POFUT3: variants seen among roughly 807,000 people sequenced by gnomAD.
The protein encoded by POFUT3 is GDP-fucose protein O-fucosyltransferase 3.
chr8:33,334,545 T>C, the POFUT3 span, among the ~76,000 whole-genome samples: 2 of 152,170 alleles, frequency 1.3e-5, no homozygotes, highest in African/African-American at 4.8e-5. Context: ...AGTAGTACAC[T>C]GGTCCGGGAC....
At chr8:33,340,681 A>G in the POFUT3 span, among the ~76,000 whole-genome samples, 1 of 152,140 alleles carries the variant, frequency 6.6e-6, no homozygotes, top group African/African-American at 2.4e-5. Context: ...CAAAAATAGT[A>G]CCAGAAACAG....
At chr8:33,310,215 C>A in the POFUT3 span, among the ~76,000 whole-genome samples, 2 of 152,116 alleles carry the variant, frequency 1.3e-5, no homozygotes, top group Admixed American at 1.3e-4. Flanking sequence ...CCACTCACAG[C>A]TGCTGAGATT....
At chr8:33,331,770 G>A in the POFUT3 span, among the ~76,000 whole-genome samples, 5 of 152,132 alleles carry the variant, frequency 3.3e-5, no homozygotes, top group East Asian at 9.8e-4. Context: ...CCGCCTCCCG[G>A]GTTCACGCCA....
At chr8:33,311,054 A>T in the POFUT3 span, among the ~76,000 whole-genome samples, 1 of 152,158 alleles carries the variant, frequency 6.6e-6, no homozygotes, top group African/African-American at 2.4e-5. Context: ...GGCTGGGAAA[A>T]CATATCCTTG....
chr8:33,339,202 G>A, the POFUT3 span, among the ~76,000 whole-genome samples: 57 of 152,204 alleles, frequency 3.7e-4, no homozygotes, highest in South Asian at 2.1e-3. Flanking sequence ...AAATTTCAAC[G>A]AAGAGATATA....
the POFUT3 span, chr8:33,436,239 C>A: frequency 7.4e-7 from 1 of 1,348,508 alleles, no homozygotes. Context: ...AGGGTGTATT[C>A]TCATGCACAA....
the POFUT3 span, among the ~76,000 whole-genome samples, chr8:33,386,899 A>G: frequency 1.3e-5 from 2 of 152,230 alleles, no homozygotes; most frequent in African/African-American, 2.4e-5. Context: ...GTACAGAAGC[A>G]GTTAGGGTTT....
the POFUT3 span, among the ~76,000 whole-genome samples, chr8:33,448,523 A>G: frequency 0.082 from 12,434 of 152,146 alleles, 655 homozygotes; most frequent in African/African-American, 0.15. Flanking sequence ...GTGTACTGCA[A>G]TGGTACTAAC....
the POFUT3 span, among the ~76,000 whole-genome samples, chr8:33,349,081 T>C: frequency 6.6e-6 from 1 of 152,230 alleles, no homozygotes; most frequent in South Asian, 2.1e-4. Context: ...GCCTAATGTA[T>C]GGAGCGTGCA....
At chr8:33,457,525 CT>C in the POFUT3 span, among the ~76,000 whole-genome samples, 21 of 147,488 alleles carry the variant, frequency 1.4e-4, no homozygotes, top group East Asian at 2.0e-4. Context: ...TATGAAAATT[CT>C]TTTTTTTTTG....
the POFUT3 span, among the ~76,000 whole-genome samples, chr8:33,374,310 C>A: frequency 6.6e-6 from 1 of 152,140 alleles, no homozygotes. Context: ...ACACGTTTAC[C>A]TCTGTGGTAT....
chr8:33,338,258 G>A, the POFUT3 span, among the ~76,000 whole-genome samples: 3 of 152,058 alleles, frequency 2.0e-5, no homozygotes, highest in Non-Finnish European at 4.4e-5. Flanking sequence ...ATAGTGAATC[G>A]GAAATCAGAA....
the POFUT3 span, among the ~76,000 whole-genome samples, chr8:33,383,748 G>A: frequency 0.019 from 2,861 of 151,946 alleles, 77 homozygotes; most frequent in African/African-American, 0.066. Flanking sequence ...GCAGTGAGCC[G>A]AAATTGCACC....
At chr8:33,401,730 T>C in the POFUT3 span, among the ~76,000 whole-genome samples, 1 of 151,998 alleles carries the variant, frequency 6.6e-6, no homozygotes. Context: ...AAAATGCAAA[T>C]TATGAAAAGT....
chr8:33,322,968 G>A, the POFUT3 span, among the ~76,000 whole-genome samples: 3 of 151,676 alleles, frequency 2.0e-5, no homozygotes, highest in African/African-American at 7.3e-5. Flanking sequence ...AGACAACTAA[G>A]TGTTTTGCCA....
At chr8:33,409,245 G>C in the POFUT3 span, among the ~76,000 whole-genome samples, 1 of 152,144 alleles carries the variant, frequency 6.6e-6, no homozygotes, top group African/African-American at 2.4e-5. Context: ...TGGGATTACA[G>C]GCATGCACCA....
the POFUT3 span, among the ~76,000 whole-genome samples, chr8:33,440,317 A>G: frequency 2.4e-4 from 37 of 152,218 alleles, no homozygotes; most frequent in African/African-American, 8.4e-4. Context: ...AGCTATGATC[A>G]TGTCACAGCA....
chr8:33,415,188 G>A, the POFUT3 span, among the ~76,000 whole-genome samples: 2 of 152,256 alleles, frequency 1.3e-5, no homozygotes, highest in Non-Finnish European at 2.9e-5. Flanking sequence ...CTTGAACCCA[G>A]GAGGCGGAGC....
At chr8:33,399,336 G>T in the POFUT3 span, among the ~76,000 whole-genome samples, 1 of 151,814 alleles carries the variant, frequency 6.6e-6, no homozygotes, top group Non-Finnish European at 1.5e-5. Context: ...ATTAACTCAG[G>T]GCAAAAAAGA....
Sources: gnomAD v4.1 joint callset for allele counts (sites outside exome capture counted in the v4.1 genomes callset) on GRCh38, gnomAD v4.1.1 for gene constraint, MANE v1.5 for transcripts, NCBI Gene and HGNC (gene_info 2026-07-23, HGNC 2026-07-21) for gene names.